SYT1: variants seen among roughly 807,000 people sequenced by gnomAD.
The protein encoded by SYT1 is synaptotagmin 1, also known as synaptotagmin-1.
A neutral mutation model predicts 44.8 loss-of-function variants in SYT1; 8 were observed. That is an observed-to-expected ratio of 0.18 (90% CI 0.10 to 0.32). The LOEUF (loss-of-function observed/expected upper bound fraction) is 0.32. Ranked by LOEUF, SYT1 falls within the 10% of genes least tolerant of loss-of-function variation. SYT1 has a pLI of 1.00. For missense variants in SYT1, 286 were observed against 509.3 expected (o/e 0.56, Z 4.22); for synonymous variants, 154 against 188.8 (o/e 0.82, Z 1.51).
At chr12:79,001,890 G>C (rs1176661684) in intron 2 of SYT1, among the ~76,000 whole-genome samples, 1 of 145,874 alleles carries the variant, frequency 6.9e-6, no homozygotes, top group South Asian at 2.1e-4. Flanking sequence ...GTTTTTTTTT[G>C]GCACTTGCCT....
At chr12:79,097,695 T>C (rs2138034204) in intron 3 of SYT1, among the ~76,000 whole-genome samples, 1 of 152,146 alleles carries the variant, frequency 6.6e-6, no homozygotes. Context: ...CCTATTGACC[T>C]CTGGAAAATG....
At chr12:79,050,679 A>C (rs1262233922) in intron 3 of SYT1, among the ~76,000 whole-genome samples, 1 of 152,104 alleles carries the variant, frequency 6.6e-6, no homozygotes, top group Non-Finnish European at 1.5e-5. Flanking sequence ...CTTTCCTGAA[A>C]AAACAAATAT....
rs369106699 is a variant in SYT1 at position 79,217,474 on chromosome 12, G to A, written c.-17-29G>A. 5.9e-6 allele frequency: 9 copies of A among 1,519,380 alleles called. No homozygotes were observed. The African/African-American group carries it at 1.3e-4, about 21-fold the overall frequency. 94.1% of individuals were successfully genotyped at this position (1,519,380 alleles called of 1,614,324 possible). ...GGGAGCAGTTAAGCCATTTTGAATT[G>A]TTCTGTCTTTGCTTCCCTCCCCTCA... On this transcript the variant is annotated intron_variant, in intron 3 of 10. Transcript: ENST00000261205.
intron 8 of SYT1, among the ~76,000 whole-genome samples, chr12:79,352,569 CTA>C (rs1399453171): frequency 2.0e-5 from 3 of 152,152 alleles, no homozygotes; most frequent in African/African-American, 7.2e-5. Context: ...TGCACTCTCT[CTA>C]TCTCTATCTC....
chr12:78,919,441 G>A (rs1275095566), intron 1 of SYT1, among the ~76,000 whole-genome samples: 1 of 152,060 alleles, frequency 6.6e-6, no homozygotes. Context: ...TCTTCCACTT[G>A]ACAATCGATC....
chr12:79,223,502 C>A (rs143960801), intron 4 of SYT1, among the ~76,000 whole-genome samples: 1 of 152,244 alleles, frequency 6.6e-6, no homozygotes, highest in African/African-American at 2.4e-5. Context: ...GGCACTGGGG[C>A]AGACCAAAGC....
intron 3 of SYT1, among the ~76,000 whole-genome samples, chr12:79,154,905 A>G (rs1201630755): frequency 1.3e-5 from 2 of 152,166 alleles, no homozygotes; most frequent in Non-Finnish European, 2.9e-5. Context: ...ATTACTGAAT[A>G]CATCTACCAA....
chr12:79,399,123 T>A (rs1333143933), intron 9 of SYT1, among the ~76,000 whole-genome samples: 1 of 152,218 alleles, frequency 6.6e-6, no homozygotes, highest in Non-Finnish European at 1.5e-5. Flanking sequence ...TAGAATCCTA[T>A]TATTTCAGTG....
intron 4 of SYT1, among the ~76,000 whole-genome samples, chr12:79,250,946 C>G (rs972153648): frequency 6.6e-6 from 1 of 152,166 alleles, no homozygotes; most frequent in Admixed American, 6.5e-5. Context: ...TTCCATTCAA[C>G]TAGTGGAGCA....
chr12:79,154,597 T>C (rs1423286821), intron 3 of SYT1, among the ~76,000 whole-genome samples: 2 of 152,090 alleles, frequency 1.3e-5, no homozygotes, highest in African/African-American at 4.8e-5. Context: ...ATTACTTACA[T>C]TTTGATGAGA....
At chr12:79,024,283 A>T (rs1469891403) in intron 2 of SYT1, among the ~76,000 whole-genome samples, 1 of 151,762 alleles carries the variant, frequency 6.6e-6, no homozygotes, top group Non-Finnish European at 1.5e-5. Flanking sequence ...GGCAAATTCG[A>T]GGATGGGTTG....
At chr12:79,232,693 A>T (rs1875939189) in intron 4 of SYT1, among the ~76,000 whole-genome samples, 1 of 152,048 alleles carries the variant, frequency 6.6e-6, no homozygotes, top group African/African-American at 2.4e-5. Context: ...ATTATTTTGT[A>T]TTTACTTGAG....
chr12:78,877,671 A>ATT (rs35590187), intron 1 of SYT1, among the ~76,000 whole-genome samples: 1 of 151,268 alleles, frequency 6.6e-6, no homozygotes, highest in African/African-American at 2.4e-5. Context: ...AACAGCCTGT[A>ATT]TTTTTTTTCC....
intron 3 of SYT1, among the ~76,000 whole-genome samples, chr12:79,115,389 T>A (rs1325773551): frequency 6.6e-6 from 1 of 152,190 alleles, no homozygotes; most frequent in Non-Finnish European, 1.5e-5. Context: ...TTTCCTCATG[T>A]TCATATGCAG....
At chr12:79,403,412 A>G (rs1885137822) in intron 9 of SYT1, among the ~76,000 whole-genome samples, 1 of 152,136 alleles carries the variant, frequency 6.6e-6, no homozygotes, top group African/African-American at 2.4e-5. Flanking sequence ...GTCCAAAGGC[A>G]CTCTGCTGGC....
At chr12:78,993,959 T>G (rs922175907) in intron 2 of SYT1, among the ~76,000 whole-genome samples, 1 of 152,220 alleles carries the variant, frequency 6.6e-6, no homozygotes, top group Non-Finnish European at 1.5e-5. Flanking sequence ...TTAATAATTA[T>G]GAAACATTTT....
intron 4 of SYT1, among the ~76,000 whole-genome samples, chr12:79,221,275 T>G (rs6539304): frequency 0.71 from 107,401 of 151,906 alleles, 38,488 homozygotes; most frequent in African/African-American, 0.78. Context: ...ATTTGCATTA[T>G]ATATCTTTTT....
chr12:78,941,002 C>T (rs1364118321), intron 1 of SYT1, among the ~76,000 whole-genome samples: 1 of 151,076 alleles, frequency 6.6e-6, no homozygotes, highest in Admixed American at 6.6e-5. Context: ...CAGTGAGATA[C>T]ATGTCCTTTA....
intron 9 of SYT1, among the ~76,000 whole-genome samples, chr12:79,435,434 G>T (rs916003784): frequency 3.9e-5 from 6 of 152,260 alleles, no homozygotes; most frequent in Non-Finnish European, 8.8e-5. Context: ...CTCCCTAAGA[G>T]CTGGGACTAC....
Sources: allele counts gnomAD v4.1 joint callset (sites outside exome capture counted in the v4.1 genomes callset), GRCh38; gene constraint gnomAD v4.1.1; transcripts MANE v1.5; gene names NCBI Gene and HGNC (gene_info 2026-07-23, HGNC 2026-07-21).